Variants in UROS observed in about 807,000 individuals in gnomAD.
UROS encodes uroporphyrinogen-III synthase.
Under a neutral mutation model 33.0 loss-of-function variants are expected in UROS, and 18 were observed. The observed-to-expected ratio is 0.55, with a 90% CI of 0.38 to 0.81. UROS has a LOEUF of 0.81. UROS is among the 30% of genes least tolerant of loss of function. The pLI is 0.00. For missense variants in UROS, 293 were observed against 314.9 expected (o/e 0.93, Z 0.53); for synonymous variants, 114 against 121.1 (o/e 0.94, Z 0.38).
At chr10:125,819,253 A>AT (rs751274144) in intron 1 of UROS, among the ~76,000 whole-genome samples, 1 of 152,102 alleles carries the variant, frequency 6.6e-6, no homozygotes, top group Non-Finnish European at 1.5e-5. Flanking sequence ...AAGTGTTGAG[A>AT]TTACAGGTGT....
At chr10:125,793,993 A>C (rs1316039432) in intron 9 of UROS, 1 of 152,158 alleles carries the variant, frequency 6.6e-6, no homozygotes, top group African/African-American at 2.4e-5. Context: ...TGTAATGAGG[A>C]ACACTGACCT....
downstream of UROS, among the ~76,000 whole-genome samples, chr10:125,786,616 G>A (rs1850639847): frequency 1.3e-5 from 2 of 152,132 alleles, no homozygotes; most frequent in East Asian, 1.9e-4. Flanking sequence ...AGATTCCTGG[G>A]AGATCAGATG....
chr10:125,796,493 C>T (rs905103276), intron 7 of UROS, among the ~76,000 whole-genome samples: 1 of 152,200 alleles, frequency 6.6e-6, no homozygotes, highest in South Asian at 2.1e-4. Flanking sequence ...GTAGGTTTGT[C>T]CACACAAGGC....
intron 6 of UROS, 87 bp from the exon 7 acceptor site, chr10:125,798,232 A>T: frequency 7.1e-7 from 1 of 1,402,752 alleles, no homozygotes. Context: ...GGGAAGGGGG[A>T]AGCAGCCCTG....
At position 125,816,467 on chromosome 10, in the gene UROS, TTCCTTCGCA is replaced by T. The variant is rs1349914506; in HGVS notation, c.24_32del (p.Asp8_Lys10del). The stretch of plus-strand genomic sequence containing the variant: ...TATACGGATCCTGGCCACAGTCATC[TTCCTTCGCA>T]TCCTTCAGTAAAAGAACCTTCATTA... On this transcript the variant is annotated inframe_deletion, in exon 2 of 10. Transcript: ENST00000368797. The T allele has an allele frequency of 1.2e-6, 2 of 1,614,076 alleles. No homozygotes were observed. The highest frequency in any genetic ancestry group is 2.7e-5 in the African/African-American group (2 of 74,934).
chr10:125,815,230 T>C (rs1042291740), intron 3 of UROS, 100 bp from the exon 4 acceptor site: 4 of 1,289,868 alleles, frequency 3.1e-6, no homozygotes, highest in Non-Finnish European at 1.1e-6. Flanking sequence ...ACAATAGTAG[T>C]AGGCAAACTA....
rs2133872431 is a variant in UROS, at chr10:125,802,920, C to T, written c.394+4493G>A. On this transcript the variant is annotated intron_variant, in intron 6 of 9. Transcript: ENST00000368797. ...AGGGGCTTTCCCCACCGCCTTGCCA[C>T]CAAGGATGCGGCTAAACCCCAGATA... The T allele has an allele frequency of 2.5e-6, 4 of 1,609,358 alleles. No homozygotes were observed. In the East Asian group the frequency reaches 8.9e-5, roughly 36 times the overall value.
At chr10:125,806,942 A>G (rs1225738873) in intron 6 of UROS, among the ~76,000 whole-genome samples, 1 of 152,076 alleles carries the variant, frequency 6.6e-6, no homozygotes, top group Non-Finnish European at 1.5e-5. Flanking sequence ...AAATGCTAAC[A>G]CCCCTAGAAC....
At position 125,788,739 on chromosome 10, in the gene UROS, G is replaced by A. The variant is rs1850709654; in HGVS notation, c.*129C>T. 8 of 1,450,278 alleles carry A rather than the reference G, an allele frequency of 5.5e-6. No homozygotes were observed. The Admixed American group carries it at 1.8e-4, about 33-fold the overall frequency. The allele number at this position is 1,450,278 out of a possible 1,614,324, so 89.8% of individuals were successfully genotyped here. A position where few individuals can be genotyped will look rare whatever the true frequency, so the allele number is the denominator to read the frequency against. On this transcript the variant is annotated 3_prime_UTR_variant, in exon 10 of 10. Transcript: ENST00000368797. ...TCAGGTCCCGATCCCCGGTCCTCAG[G>A]TGCTTCCACTCAGGCTTGAGGCAGG...
intron 4 of UROS, 73 bp downstream of exon 4, chr10:125,814,961 G>T: frequency 2.0e-6 from 3 of 1,528,452 alleles, no homozygotes; most frequent in Non-Finnish European, 9.0e-7. Context: ...GCTGCTTCTG[G>T]AATTTAGTCT....
chr10:125,796,017 C>T (rs980490264), intron 8 of UROS, 86 bp downstream of exon 8: 5 of 1,209,112 alleles, frequency 4.1e-6, no homozygotes, highest in Middle Eastern at 2.6e-4. Context: ...ACATATAGAA[C>T]CAACATCTAT....
At position 125,801,404 on chromosome 10, in the gene UROS, GGATT is replaced by G. The variant is rs1357086649; in HGVS notation, c.395-3263_395-3260del. Among the ~76,000 whole-genome samples the G allele has an allele frequency of 3.9e-5, 6 of 152,326 alleles. No homozygotes were observed. In the East Asian group the frequency reaches 1.2e-3, roughly 29 times the overall value. On this transcript the variant is annotated intron_variant, in intron 6 of 9. Coordinates refer to ENST00000368797, the MANE Select transcript of UROS (RefSeq NM_000375.3). ...AGAACAATGAGTTATCAGATTAAAT[GGATT>G]AATAGCTTTAAGCACTTACAATAGT...
At chr10:125,815,263 A>G (rs1054843812) in intron 3 of UROS, 133 bp from the exon 4 acceptor site, 6 of 955,962 alleles carry the variant, frequency 6.3e-6, no homozygotes, top group African/African-American at 1.6e-5. Context: ...CATCCCCCCA[A>G]CACTTACTGA....
chr10:125,797,374 A>T (rs1231364179), intron 7 of UROS, among the ~76,000 whole-genome samples: 1 of 152,238 alleles, frequency 6.6e-6, no homozygotes, highest in Non-Finnish European at 1.5e-5. Context: ...TATTTCACAG[A>T]TAAGGATACT....
chr10:125,803,751 G>A (rs1852057019), intron 6 of UROS, among the ~76,000 whole-genome samples: 2 of 152,212 alleles, frequency 1.3e-5, no homozygotes, highest in Admixed American at 6.5e-5. Flanking sequence ...AGGCTACTCA[G>A]TGCTCCCCAG....
intron 6 of UROS, among the ~76,000 whole-genome samples, chr10:125,806,340 C>T (rs1589973272): frequency 6.6e-6 from 1 of 152,186 alleles, no homozygotes; most frequent in South Asian, 2.1e-4. Flanking sequence ...TACCACTCAT[C>T]CTGATCTCAC....
intron 4 of UROS, among the ~76,000 whole-genome samples, chr10:125,813,778 T>A (rs10901446): frequency 2.6e-5 from 4 of 152,126 alleles, no homozygotes; most frequent in Admixed American, 1.3e-4. Context: ...TGCGCCTGGC[T>A]GGCTCTGAGT....
At chr10:125,822,030 C>T (rs924733860) in intron 1 of UROS, among the ~76,000 whole-genome samples, 10 of 152,164 alleles carry the variant, frequency 6.6e-5, no homozygotes, top group Admixed American at 6.5e-5. Context: ...TGTTACCCTG[C>T]TTAAACAGAA....
At chr10:125,819,088 G>A (rs547622402) in intron 1 of UROS, among the ~76,000 whole-genome samples, 6 of 152,226 alleles carry the variant, frequency 3.9e-5, no homozygotes, top group South Asian at 4.2e-4. Flanking sequence ...GGGTTCAAGC[G>A]ATTCTCCTGC....
Sources: gnomAD v4.1 joint callset for allele counts (sites outside exome capture counted in the v4.1 genomes callset) on GRCh38, gnomAD v4.1.1 for gene constraint, MANE v1.5 for transcripts, NCBI Gene and HGNC (gene_info 2026-07-23, HGNC 2026-07-21) for gene names.